Variants in HNF4G observed in about 807,000 individuals in gnomAD.
HNF4G encodes the protein hepatocyte nuclear factor 4-gamma.
Under a neutral mutation model 50.9 loss-of-function variants are expected in HNF4G, and 21 were observed. That is an observed-to-expected ratio of 0.41 (90% CI 0.29 to 0.59). HNF4G has a LOEUF of 0.59. HNF4G is among the 20% of genes least tolerant of loss of function. HNF4G has a pLI of 0.26. For missense variants in HNF4G, 527 were observed against 559.4 expected, an observed-to-expected ratio of 0.94 and a Z score of 0.58; for synonymous variants, 198 against 185.6, an observed-to-expected ratio of 1.07 and a Z score of -0.54.
At chr8:75,549,272 A>T (rs1302286715) in intron 3 of HNF4G, among the ~76,000 whole-genome samples, 1 of 152,216 alleles carries the variant, frequency 6.6e-6, no homozygotes, top group African/African-American at 2.4e-5. Flanking sequence ...ATGGAAACAA[A>T]TAGAAGCATA....
At chr8:75,512,889 T>C (rs955803502) in intron 2 of HNF4G, among the ~76,000 whole-genome samples, 6 of 152,220 alleles carry the variant, frequency 3.9e-5, no homozygotes, top group Non-Finnish European at 8.8e-5. Flanking sequence ...TATACATTAC[T>C]AACTTAGTAT....
intron 1 of HNF4G, among the ~76,000 whole-genome samples, chr8:75,436,943 C>G (rs1046968125): frequency 2.0e-5 from 3 of 152,190 alleles, no homozygotes; most frequent in African/African-American, 7.2e-5. Flanking sequence ...ACTCAGAAGG[C>G]TGAGGCTGGA....
intron 1 of HNF4G, among the ~76,000 whole-genome samples, chr8:75,470,085 C>A (rs757830181): frequency 6.6e-6 from 1 of 152,182 alleles, no homozygotes; most frequent in Admixed American, 6.5e-5. Flanking sequence ...CCTACATTGC[C>A]TTCTCCACTC....
At chr8:75,478,354 T>C (rs1161161640) in intron 1 of HNF4G, among the ~76,000 whole-genome samples, 1 of 152,214 alleles carries the variant, frequency 6.6e-6, no homozygotes, top group Non-Finnish European at 1.5e-5. Context: ...TTAAAGGAAT[T>C]CTGCATATTA....
At chr8:75,528,516 T>C (rs72660051) in intron 2 of HNF4G, among the ~76,000 whole-genome samples, 385 of 152,324 alleles carry the variant, frequency 2.5e-3, no homozygotes, top group Non-Finnish European at 3.5e-3. Context: ...TGTAAAATAC[T>C]TCACTTTCTC....
At chr8:75,420,497 T>G (rs1333245429) in intron 1 of HNF4G, among the ~76,000 whole-genome samples, 2 of 152,252 alleles carry the variant, frequency 1.3e-5, no homozygotes, top group Non-Finnish European at 2.9e-5. Context: ...CCTGAAGTTT[T>G]AGTCACATCT....
chr8:75,508,992 T>G (rs943151621), intron 2 of HNF4G, among the ~76,000 whole-genome samples: 1 of 152,168 alleles, frequency 6.6e-6, no homozygotes, highest in Non-Finnish European at 1.5e-5. Context: ...ACTATAGGCC[T>G]GAGAGTCTGG....
At chr8:75,506,754 T>A (rs1259070971) in intron 2 of HNF4G, among the ~76,000 whole-genome samples, 2 of 152,154 alleles carry the variant, frequency 1.3e-5, no homozygotes, top group African/African-American at 4.8e-5. Context: ...AAAAGTTAAC[T>A]GGTAAGGATT....
At chr8:75,416,750 G>T (rs1810646377) in intron 1 of HNF4G, among the ~76,000 whole-genome samples, 1 of 152,098 alleles carries the variant, frequency 6.6e-6, no homozygotes, top group Admixed American at 6.6e-5. Context: ...AACCTAGAAG[G>T]CTTGAGCTTC....
At chr8:75,556,889 T>C (rs188806703) in intron 6 of HNF4G, among the ~76,000 whole-genome samples, 26 of 152,354 alleles carry the variant, frequency 1.7e-4, no homozygotes, top group Admixed American at 2.6e-4. Flanking sequence ...TATATGTATA[T>C]ATATTCTCTC....
Position 75,566,018 on chromosome 8 carries a change from G to C in HNF4G, c.*1922G>C, listed in dbSNP as rs76997879. ...TTTTGTAGATTTTTGTTTACTTTTG[G>C]GGGGGTTCCCTTAGAAGACATTAAA... On this transcript the variant is annotated 3_prime_UTR_variant, in exon 10 of 10. Transcript: ENST00000396423. 4 of 151,662 alleles carry C rather than the reference G, an allele frequency of 2.6e-5. No individual in the cohort carries two copies. Among genetic ancestry groups the C allele is most frequent in the Middle Eastern group, 3.4e-3 (1 of 294 alleles). The allele number at this position is 151,662 out of a possible 1,614,324, so 9.4% of individuals were successfully genotyped here.
chr8:75,443,598 T>A (rs1032762622), intron 1 of HNF4G, among the ~76,000 whole-genome samples: 1 of 152,160 alleles, frequency 6.6e-6, no homozygotes, highest in Non-Finnish European at 1.5e-5. Flanking sequence ...TGGGCTCAAA[T>A]AATTCTTCCA....
At chr8:75,439,722 T>A (rs887973364) in intron 1 of HNF4G, among the ~76,000 whole-genome samples, 12 of 151,998 alleles carry the variant, frequency 7.9e-5, no homozygotes, top group African/African-American at 2.9e-4. Context: ...CTTCAAACAT[T>A]CTCTACTGAA....
intron 1 of HNF4G, among the ~76,000 whole-genome samples, chr8:75,453,533 A>C (rs1811639424): frequency 7.4e-6 from 1 of 136,052 alleles, no homozygotes; most frequent in Non-Finnish European, 1.6e-5. Context: ...AGCAGTGGCA[A>C]CCTGCTAGGG....
intron 5 of HNF4G, among the ~76,000 whole-genome samples, chr8:75,554,690 C>A (rs1807064019): frequency 6.6e-6 from 1 of 152,124 alleles, no homozygotes; most frequent in African/African-American, 2.4e-5. Context: ...GATTTCTTCA[C>A]TATTCTCATA....
chr8:75,467,933 C>T (rs577121998), intron 1 of HNF4G, among the ~76,000 whole-genome samples: 4 of 151,976 alleles, frequency 2.6e-5, no homozygotes, highest in South Asian at 2.1e-4. Flanking sequence ...TTCACATTCA[C>T]GTTACATTTT....
chr8:75,503,459 C>T (rs1812985064), intron 2 of HNF4G, among the ~76,000 whole-genome samples: 1 of 152,106 alleles, frequency 6.6e-6, no homozygotes, highest in Non-Finnish European at 1.5e-5. Context: ...TCTCTGGCTT[C>T]CAGTGAGAGA....
chr8:75,554,142 T>C (rs532942156), intron 5 of HNF4G, among the ~76,000 whole-genome samples: 1 of 152,266 alleles, frequency 6.6e-6, no homozygotes, highest in South Asian at 2.1e-4. Flanking sequence ...TGTAACTGCC[T>C]TCCTGGTGTG....
At chr8:75,492,088 A>G (rs1812645949) in intron 2 of HNF4G, among the ~76,000 whole-genome samples, 2 of 152,186 alleles carry the variant, frequency 1.3e-5, no homozygotes, top group Admixed American at 1.3e-4. Flanking sequence ...TTTTCCTTAC[A>G]TACTGAAGGT....
Sources: allele counts gnomAD v4.1 joint callset (sites outside exome capture counted in the v4.1 genomes callset), GRCh38; gene constraint gnomAD v4.1.1; transcripts MANE v1.5; gene names NCBI Gene and HGNC (gene_info 2026-07-23, HGNC 2026-07-21).